The following RNASEH2B variants were observed in gnomAD, a reference collection of about 807,000 sequenced individuals.
The protein encoded by RNASEH2B is Aicardi-Goutieres syndrome 2 protein.
RNASEH2B carries 36 observed loss-of-function variants against 45.0 expected under a neutral mutation model. The ratio of observed to expected loss-of-function variants is 0.80; its 90% CI spans 0.61 to 1.06. The LOEUF is 1.06. Ranked by LOEUF, RNASEH2B falls within the 50% of genes least tolerant of loss-of-function variation. The probability of loss-of-function intolerance (pLI) is 0.00; values close to 1 mark genes in which losing one functional copy is unlikely to be tolerated. For missense variants in RNASEH2B, 361 were observed against 360.3 expected (o/e 1.00, Z -0.02); for synonymous variants, 119 against 125.7 (o/e 0.95, Z 0.35).
chr13:50,928,115 T>A (rs1951624723), intron 2 of RNASEH2B, among the ~76,000 whole-genome samples: 1 of 152,212 alleles, frequency 6.6e-6, no homozygotes, highest in South Asian at 2.1e-4. Context: ...GGCAAAAATA[T>A]TAAAGTGTAT....
At chr13:50,956,274 A>G in intron 10 of RNASEH2B, 84 bp from the exon 11 acceptor site, 1 of 1,133,630 alleles carries the variant, frequency 8.8e-7, no homozygotes, top group Non-Finnish European at 1.3e-6. Context: ...ATGAAACTTG[A>G]GACATGCAGT....
chr13:50,945,524 A>G lies in RNASEH2B; in HGVS notation c.608A>G (p.Asp203Gly), dbSNP rs1005947039. 6.2e-7 allele frequency: 1 copy of G among 1,608,946 alleles called. No individual in the cohort carries two copies. Among genetic ancestry groups the G allele is most frequent in the Non-Finnish European group, 8.5e-7 (1 of 1,175,388 alleles). The change falls in exon 7 of 11, where the codon GAC becomes GGC. Residue 203 changes from aspartate (D) to glycine (G), a missense_variant. Physicochemically the swap from Asp to Gly is moderately conservative, Grantham distance 94. Coordinates refer to ENST00000336617, the MANE Select transcript of RNASEH2B (RefSeq NM_024570.4). Reference sequence around the variant, plus strand: ...TTCTCTGGTGACCAAGCTTCCACTGACAAGGAAGGTAAGTAAAGCATTTTA... The same window carrying G: ...TTCTCTGGTGACCAAGCTTCCACTGGCAAGGAAGGTAAGTAAAGCATTTTA... ...AFFSGDQAST[D>G]KEEDYIRYAH...
At position 50,945,525 on chromosome 13, in the gene RNASEH2B, CAAGG is replaced by C. The variant is rs1157455175; in HGVS notation, c.614_616+1del. On this transcript the variant is annotated frameshift_variant, in exon 7 of 11. Coordinates refer to ENST00000336617, the MANE Select transcript of RNASEH2B (RefSeq NM_024570.4). LOFTEE classifies it high-confidence loss of function. ...TCTCTGGTGACCAAGCTTCCACTGA[CAAGG>C]AAGGTAAGTAAAGCATTTTATCAGA... is the stretch of plus-strand genomic sequence containing the variant. 1 of 1,607,980 alleles carries C rather than the reference CAAGG, an allele frequency of 6.2e-7. No individual in the cohort carries two copies. Among genetic ancestry groups the C allele is most frequent in the Admixed American group, 1.7e-5 (1 of 60,004 alleles).
intron 3 of RNASEH2B, 88 bp from the exon 4 acceptor site, chr13:50,930,595 C>A: frequency 1.1e-6 from 1 of 944,498 alleles, no homozygotes; most frequent in Non-Finnish European, 1.7e-6. Flanking sequence ...TATTTTTCAA[C>A]ACTGTTTTTC....
At chr13:50,949,275 A>G (rs1951945367) in intron 8 of RNASEH2B, 188 bp from the exon 9 acceptor site, 2 of 594,044 alleles carry the variant, frequency 3.4e-6, no homozygotes, top group Non-Finnish European at 6.0e-6. Context: ...GGACTTACAT[A>G]TCAAAATAAA....
chr13:50,920,343 T>C (rs540813220), intron 1 of RNASEH2B, among the ~76,000 whole-genome samples: 116 of 152,316 alleles, frequency 7.6e-4, no homozygotes, highest in Non-Finnish European at 1.1e-3. Flanking sequence ...CCACCGTGCC[T>C]AGCCTGTGGA....
At chr13:50,926,106 G>A (rs1001055909) in intron 1 of RNASEH2B, among the ~76,000 whole-genome samples, 2 of 151,682 alleles carry the variant, frequency 1.3e-5, no homozygotes, top group Non-Finnish European at 2.9e-5. Flanking sequence ...TGTTTCAGAG[G>A]GTTAATTGAA....
intron 1 of RNASEH2B, chr13:50,915,614 A>G: frequency 2.5e-6 from 1 of 396,838 alleles, no homozygotes; most frequent in Non-Finnish European, 4.4e-6. Flanking sequence ...CTGAGTGGCC[A>G]TTTCGCTTCT....
intron 10 of RNASEH2B, chr13:50,956,013 T>G (rs1952042178): frequency 4.3e-6 from 1 of 235,174 alleles, no homozygotes; most frequent in South Asian, 5.9e-5. Context: ...AGGCTGTAAT[T>G]CCTACCTCTG....
exon 10 of RNASEH2B, chr13:50,970,414 G>A (rs1952210012): frequency 3.6e-6 from 1 of 281,042 alleles, no homozygotes; most frequent in Non-Finnish European, 6.5e-6. Flanking sequence ...CTAAACGTTG[G>A]CATTTTATCT....
chr13:50,935,190 C>T (rs61284187), intron 5 of RNASEH2B, 191 bp downstream of exon 5: 321 of 593,370 alleles, frequency 5.4e-4, no homozygotes, highest in African/African-American at 5.4e-3. Flanking sequence ...GGAACTACAA[C>T]CATGGCAGTC....
chr13:50,917,251 G>A (rs1295180449), intron 1 of RNASEH2B, among the ~76,000 whole-genome samples: 3 of 152,204 alleles, frequency 2.0e-5, no homozygotes, highest in African/African-American at 4.8e-5. Context: ...AGGATAGACA[G>A]CAGAGGAACT....
At chr13:50,934,580 C>T in intron 4 of RNASEH2B, 1 of 400,930 alleles carries the variant, frequency 2.5e-6, no homozygotes, top group Non-Finnish European at 4.7e-6. Flanking sequence ...GCAGTCTCCA[C>T]CATCTTTGCA....
intron 2 of RNASEH2B, among the ~76,000 whole-genome samples, chr13:50,929,122 C>T (rs542311659): frequency 2.1e-4 from 32 of 152,212 alleles, no homozygotes; most frequent in Non-Finnish European, 2.8e-4. Context: ...CAGGGACCCA[C>T]GTGCCAGCTC....
chr13:50,955,994 G>T, intron 10 of RNASEH2B: 1 of 210,108 alleles, frequency 4.8e-6, no homozygotes, highest in South Asian at 7.6e-5. Context: ...TTCATCATGT[G>T]GTAATACAAG....
chr13:50,970,117 AT>A (rs2138049634), exon 10 of RNASEH2B: 1 of 747,518 alleles, frequency 1.3e-6, no homozygotes, highest in East Asian at 2.7e-5. Flanking sequence ...TATTTCTTTG[AT>A]TAGTACCACT....
At position 50,927,205 on chromosome 13, in the gene RNASEH2B, A is replaced by G. The variant is rs558819169; in HGVS notation, c.65-202A>G. ...CTGCTTCTCATCATTCCTCATAGCA[A>G]TACATTTAAACTACCTGAAATTCAA... On this transcript the variant is annotated intron_variant, in intron 1 of 10. Coordinates refer to ENST00000336617, the MANE Select transcript of RNASEH2B (RefSeq NM_024570.4). 8.3e-4 allele frequency: 406 copies of G among 489,952 alleles called. 2 individuals are homozygous for G. The highest frequency in any genetic ancestry group is 1.3e-3 in the South Asian group (65 of 49,700). The allele number at this position is 489,952 out of a possible 1,614,324, so 30.4% of individuals were successfully genotyped here.
At chr13:50,928,032 T>C (rs1951623110) in intron 2 of RNASEH2B, among the ~76,000 whole-genome samples, 1 of 152,100 alleles carries the variant, frequency 6.6e-6, no homozygotes, top group Non-Finnish European at 1.5e-5. Context: ...TTGAAGGGAT[T>C]CATATCTTAT....
intron 8 of RNASEH2B, 54 bp from the exon 9 acceptor site, chr13:50,949,408 TG>T (rs1951947533): frequency 1.3e-6 from 2 of 1,549,020 alleles, no homozygotes; most frequent in Admixed American, 3.3e-5. Flanking sequence ...CCTGTCTTTC[TG>T]TTTGTTTGTC....
Sources: gnomAD v4.1 joint callset for allele counts (sites outside exome capture counted in the v4.1 genomes callset) on GRCh38, gnomAD v4.1.1 for gene constraint, MANE v1.5 for transcripts, NCBI Gene and HGNC (gene_info 2026-07-23, HGNC 2026-07-21) for gene names.